LRRC7: variants seen among roughly 807,000 people sequenced by gnomAD.
LRRC7 encodes leucine rich repeat containing 7.
LRRC7 carries 23 observed loss-of-function variants against 175.7 expected under a neutral mutation model. The ratio of observed to expected loss-of-function variants is 0.13; its 90% CI spans 0.09 to 0.19. The LOEUF (loss-of-function observed/expected upper bound fraction) is 0.19. Among genes scored for constraint, LRRC7 ranks in the 10% least tolerant of loss-of-function variants. LRRC7 has a pLI of 1.00. For synonymous variants in LRRC7, 685 were observed against 680.9 expected (o/e 1.01, Z -0.09); for missense variants, 1,354 against 1,904.7 (o/e 0.71, Z 5.38).
rs577087440 is a variant in LRRC7 at position 69,775,196 on chromosome 1, A to G, written c.303+14803A>G. On this transcript the variant is annotated intron_variant, in intron 3 of 26. Coordinates refer to ENST00000651989, the MANE Select transcript of LRRC7 (RefSeq NM_001370785.2). ...TATATGTCCAGGGCGCAAGTATATTATAAAACATGATTTGAGCAAATAAGG... is the reference window on the plus strand; with the variant it reads ...TATATGTCCAGGGCGCAAGTATATTGTAAAACATGATTTGAGCAAATAAGG... Among the ~76,000 whole-genome samples, 17 of 152,364 alleles carry G rather than the reference A, an allele frequency of 1.1e-4. No individual in the cohort carries two copies. In the East Asian group the frequency reaches 3.1e-3, roughly 28 times the overall value.
At chr1:69,676,166 A>C (rs1018941851) in intron 1 of LRRC7, among the ~76,000 whole-genome samples, 1 of 151,902 alleles carries the variant, frequency 6.6e-6, no homozygotes, top group African/African-American at 2.4e-5. Flanking sequence ...CACCACAAAA[A>C]GCCTTTTTAT....
intron 4 of LRRC7, among the ~76,000 whole-genome samples, chr1:69,795,250 C>G (rs1433082819): frequency 1.3e-5 from 2 of 151,942 alleles, no homozygotes; most frequent in Admixed American, 6.6e-5. Flanking sequence ...TGTGGTGGCA[C>G]ATGCCTGTAA....
At chr1:69,653,613 A>G (rs1366216196) in intron 1 of LRRC7, among the ~76,000 whole-genome samples, 1 of 152,132 alleles carries the variant, frequency 6.6e-6, no homozygotes, top group Non-Finnish European at 1.5e-5. Flanking sequence ...AAAATTTTAT[A>G]AAAAGAACTA....
intron 2 of LRRC7, among the ~76,000 whole-genome samples, chr1:69,717,942 A>AG (rs369962747): frequency 0.018 from 1,242 of 68,514 alleles, 44 homozygotes; most frequent in African/African-American, 0.077. Context: ...GAAAGAAAGA[A>AG]AGAAAGAAAG....
At chr1:69,998,530 ATTATCT>A (rs1489080201) in intron 11 of LRRC7, among the ~76,000 whole-genome samples, 7 of 152,180 alleles carry the variant, frequency 4.6e-5, no homozygotes, top group Non-Finnish European at 7.3e-5. Flanking sequence ...CACAAAAGTA[ATTATCT>A]TTATCAGCCC....
chr1:70,007,836 T>C (rs1434694302), intron 11 of LRRC7, among the ~76,000 whole-genome samples: 4 of 152,152 alleles, frequency 2.6e-5, no homozygotes, highest in Non-Finnish European at 4.4e-5. Flanking sequence ...TCCTCATTTA[T>C]GTATATAAGT....
At chr1:69,711,149 T>C (rs1239556226) in intron 2 of LRRC7, among the ~76,000 whole-genome samples, 1 of 152,206 alleles carries the variant, frequency 6.6e-6, no homozygotes, top group African/African-American at 2.4e-5. Context: ...CTTCAAAATA[T>C]AGTAAATTCT....
intron 7 of LRRC7, among the ~76,000 whole-genome samples, chr1:69,871,467 AATTAT>A (rs1685528027): frequency 6.6e-6 from 1 of 152,074 alleles, no homozygotes; most frequent in Non-Finnish European, 1.5e-5. Flanking sequence ...CCGAATGCAT[AATTAT>A]ATTCAGTTTG....
chr1:69,843,430 A>G (rs1490356434), intron 7 of LRRC7, among the ~76,000 whole-genome samples: 1 of 152,130 alleles, frequency 6.6e-6, no homozygotes, highest in African/African-American at 2.4e-5. Context: ...AATTTCCCAT[A>G]GTAGAAATTA....
rs11473590 is a variant in LRRC7, at chr1:69,617,547, T to TAAAAAAA, written c.2+48925_2+48931dup. The stretch of plus-strand genomic sequence containing the variant: ...GCTGAAGGTTGTTATATACTCACAG[T>TAAAAAAA]AAAAAAAAAAAAAAAAAAAAAAAAA... On this transcript the variant is annotated intron_variant, in intron 1 of 26. Coordinates refer to ENST00000651989, the MANE Select transcript of LRRC7 (RefSeq NM_001370785.2). Among the ~76,000 whole-genome samples the TAAAAAAA allele has an allele frequency of 5.3e-4, 33 of 62,000 alleles. 1 individual carries two copies. The highest frequency in any genetic ancestry group is 3.0e-3 in the South Asian group (4 of 1,314). The allele number at this position is 62,000 out of a possible 152,430, so 40.7% of individuals were successfully genotyped here. A position where few individuals can be genotyped will look rare whatever the true frequency, so the allele number is the denominator to read the frequency against.
chr1:70,017,255 ACT>A (rs1158654087), intron 14 of LRRC7, among the ~76,000 whole-genome samples: 1 of 147,648 alleles, frequency 6.8e-6, no homozygotes, highest in Non-Finnish European at 1.5e-5. Context: ...ACACAGCGAG[ACT>A]CTGTCTCAGA....
rs1666698762 is a variant in LRRC7, at chr1:70,132,351, C to T, written c.*10464C>T. 6.6e-6 allele frequency: 1 copy of T among 151,824 alleles called. No homozygotes were observed. Among genetic ancestry groups the T allele is most frequent in the Admixed American group, 6.6e-5 (1 of 15,234 alleles). The allele number at this position is 151,824 out of a possible 1,614,324, so 9.4% of individuals were successfully genotyped here. ...ATTTCTAGAAACTATTTTTGTCTAA[C>T]GTCATAGGTAATGCTTTAGTCATAC... On this transcript the variant is annotated 3_prime_UTR_variant, in exon 27 of 27. Coordinates refer to ENST00000651989, the MANE Select transcript of LRRC7 (RefSeq NM_001370785.2).
In LRRC7 at chr1:70,128,699, C is replaced by A. The variant is rs1343566705; in HGVS notation, c.*6812C>A. 6.6e-6 allele frequency: 1 copy of A among 152,122 alleles called. No individual in the cohort carries two copies. Among genetic ancestry groups the A allele is most frequent in the Non-Finnish European group, 1.5e-5 (1 of 68,022 alleles). 9.4% of individuals were successfully genotyped at this position (152,122 alleles called of 1,614,324 possible). A position where few individuals can be genotyped will look rare whatever the true frequency, so the allele number is the denominator to read the frequency against. ...TTGGGCATCAACTACATATCAGGTA[C>A]TATGAGGGATGTAATGTGGTCCCCT... On this transcript the variant is annotated 3_prime_UTR_variant, in exon 27 of 27. Transcript: ENST00000651989.
At chr1:69,847,609 C>T (rs910301702) in intron 7 of LRRC7, among the ~76,000 whole-genome samples, 2 of 152,042 alleles carry the variant, frequency 1.3e-5, no homozygotes, top group African/African-American at 2.4e-5. Context: ...GACAGCACTA[C>T]CCACAGAATC....
At chr1:69,865,137 A>G (rs1684767911) in intron 7 of LRRC7, among the ~76,000 whole-genome samples, 1 of 152,138 alleles carries the variant, frequency 6.6e-6, no homozygotes, top group African/African-American at 2.4e-5. Context: ...CCCGCAATGA[A>G]CCTAGAGAAA....
chr1:69,730,599 T>G (rs1391865977), intron 2 of LRRC7, among the ~76,000 whole-genome samples: 2 of 152,168 alleles, frequency 1.3e-5, no homozygotes, highest in African/African-American at 2.4e-5. Flanking sequence ...CCATTCAAGT[T>G]TCTAGGCAAC....
At chr1:70,078,269 C>T (rs1662931327) in intron 24 of LRRC7, among the ~76,000 whole-genome samples, 1 of 152,194 alleles carries the variant, frequency 6.6e-6, no homozygotes, top group Non-Finnish European at 1.5e-5. Context: ...ACAACCAGTT[C>T]TGGTCCCCAA....
At chr1:69,941,722 A>G (rs1397389895) in intron 8 of LRRC7, among the ~76,000 whole-genome samples, 1 of 152,122 alleles carries the variant, frequency 6.6e-6, no homozygotes, top group African/African-American at 2.4e-5. Flanking sequence ...AAAGCTGACA[A>G]AATGCCACAA....
chr1:69,771,052 C>T (rs1390698747), intron 3 of LRRC7, among the ~76,000 whole-genome samples: 2 of 152,180 alleles, frequency 1.3e-5, no homozygotes, highest in African/African-American at 4.8e-5. Context: ...TATAAAACTA[C>T]ATCCAGGACA....
Sources: gnomAD v4.1 joint callset for allele counts (sites outside exome capture counted in the v4.1 genomes callset) on GRCh38, gnomAD v4.1.1 for gene constraint, MANE v1.5 for transcripts, NCBI Gene and HGNC (gene_info 2026-07-23, HGNC 2026-07-21) for gene names.